The following WWC2 variants were observed in gnomAD, a reference collection of about 807,000 sequenced individuals.
WWC2 encodes the protein WW and C2 domain containing 2, also known as protein WWC2.
In WWC2, 101 loss-of-function variants were observed where a neutral mutation model predicts 138.5. The observed-to-expected ratio is 0.73, with a 90% CI of 0.62 to 0.86. The LOEUF (loss-of-function observed/expected upper bound fraction) is 0.86. WWC2 is among the 40% of genes least tolerant of loss of function. The pLI is 0.00. For synonymous variants in WWC2, 558 were observed against 538.4 expected (o/e 1.04, Z -0.50); for missense variants, 1,420 against 1,419.4 (o/e 1.00, Z -0.01).
intron 21 of WWC2, among the ~76,000 whole-genome samples, chr4:183,298,253 A>T (rs1182943920): frequency 1.3e-5 from 2 of 152,234 alleles, no homozygotes. Context: ...TTGTTTTTCT[A>T]GATCACTACT....
chr4:183,308,089 A>C (rs1272764287), intron 21 of WWC2, among the ~76,000 whole-genome samples: 1 of 152,212 alleles, frequency 6.6e-6, no homozygotes, highest in East Asian at 1.9e-4. Context: ...CCAGCAATGC[A>C]CTAGTGGAAT....
chr4:183,301,978 A>G (rs1004485470), intron 21 of WWC2, among the ~76,000 whole-genome samples: 9 of 152,244 alleles, frequency 5.9e-5, no homozygotes, highest in African/African-American at 1.2e-4. Flanking sequence ...TTCTAATAGT[A>G]TGTGATGAAC....
chr4:183,235,515 G>A (rs1371181551), intron 4 of WWC2, among the ~76,000 whole-genome samples: 1 of 152,062 alleles, frequency 6.6e-6, no homozygotes, highest in Non-Finnish European at 1.5e-5. Context: ...GTACACCTCA[G>A]CACCTGGCAA....
intron 1 of WWC2, among the ~76,000 whole-genome samples, chr4:183,115,211 T>G (rs899662000): frequency 1.3e-5 from 2 of 152,226 alleles, no homozygotes; most frequent in Non-Finnish European, 1.5e-5. Flanking sequence ...ATTTCATTCT[T>G]TTTTGTGGTG....
intron 1 of WWC2, among the ~76,000 whole-genome samples, chr4:183,136,494 CATA>C (rs1733119344): frequency 6.6e-6 from 1 of 152,126 alleles, no homozygotes; most frequent in African/African-American, 2.4e-5. Context: ...TTCCTGGAAA[CATA>C]GTACGCATGC....
At position 183,248,509 on chromosome 4, in the gene WWC2, G is replaced by C. The variant is rs563841835; in HGVS notation, c.733-205G>C. ...ATAGATAAGACAACTGGTTTAATAT[G>C]ATCTCGCTTCCAAAGTCACATGTAT... On this transcript the variant is annotated intron_variant, in intron 6 of 22. Coordinates refer to ENST00000403733, the MANE Select transcript of WWC2 (RefSeq NM_024949.6). Among the ~76,000 whole-genome samples, 13 of 152,292 alleles carry C rather than the reference G, an allele frequency of 8.5e-5. No individual in the cohort carries two copies. The South Asian group carries it at 2.7e-3, about 32-fold the overall frequency.
rs141854238 is a variant in WWC2 at position 183,237,116 on chromosome 4, A to T, written c.523-3067A>T. Among the ~76,000 whole-genome samples, 784 of 152,362 alleles carry T rather than the reference A, an allele frequency of 5.1e-3. 12 individuals are homozygous for T. Among genetic ancestry groups the T allele is most frequent in the African/African-American group, 0.018 (733 of 41,590 alleles). ...AGTTTACGAATTTGTGTTGGGCTGC[A>T]TTCAAAGCCATCGTGAGTTGGGCAA... On this transcript the variant is annotated intron_variant, in intron 4 of 22. Coordinates refer to ENST00000403733, the MANE Select transcript of WWC2 (RefSeq NM_024949.6).
chr4:183,164,335 ATAC>A (rs1734060795), intron 1 of WWC2, among the ~76,000 whole-genome samples: 1 of 622 alleles, frequency 1.6e-3, no homozygotes, highest in African/African-American at 5.3e-3. Context: ...ATATATATAT[ATAC>A]ATATATATAT....
intron 2 of WWC2, among the ~76,000 whole-genome samples, chr4:183,199,228 T>C (rs1250235889): frequency 1.3e-5 from 2 of 152,130 alleles, no homozygotes; most frequent in Non-Finnish European, 2.9e-5. Context: ...AAGGCTGGTG[T>C]GACTGGGGTA....
At chr4:183,287,142 A>G (rs1052386050) in intron 20 of WWC2, among the ~76,000 whole-genome samples, 6 of 152,190 alleles carry the variant, frequency 3.9e-5, no homozygotes, top group Admixed American at 3.3e-4. Context: ...TCATTCTGCC[A>G]TGTGCAGAGT....
rs1215836936 is a variant in WWC2, at chr4:183,147,014, A to G, written c.132-46585A>G. ...GGAAAGCTTGTTAAAATAGTTTCCT[A>G]TACTCATCTTCAGAGATTTGGATTT... On this transcript the variant is annotated intron_variant, in intron 1 of 22. Coordinates refer to ENST00000403733, the MANE Select transcript of WWC2 (RefSeq NM_024949.6). Among the ~76,000 whole-genome samples, 6 of 152,214 alleles carry G rather than the reference A, an allele frequency of 3.9e-5. No individual in the cohort carries two copies. In the East Asian group the frequency reaches 5.8e-4, roughly 15 times the overall value.
chr4:183,141,242 G>C (rs531936852), intron 1 of WWC2, among the ~76,000 whole-genome samples: 1 of 152,270 alleles, frequency 6.6e-6, no homozygotes, highest in Admixed American at 6.5e-5. Flanking sequence ...TTGGGTGAAG[G>C]CTCTCTTCCT....
chr4:183,121,914 T>C (rs1732611684), intron 1 of WWC2, among the ~76,000 whole-genome samples: 1 of 151,808 alleles, frequency 6.6e-6, no homozygotes, highest in Admixed American at 6.6e-5. Context: ...GCTTCCCGAG[T>C]AGCTGGGACT....
intron 21 of WWC2, among the ~76,000 whole-genome samples, chr4:183,301,779 T>C (rs1160984154): frequency 6.6e-6 from 1 of 152,234 alleles, no homozygotes; most frequent in Non-Finnish European, 1.5e-5. Flanking sequence ...TGCAGAACTA[T>C]ATAAAGCAAA....
At chr4:183,135,139 G>A (rs367968512) in intron 1 of WWC2, among the ~76,000 whole-genome samples, 1 of 151,896 alleles carries the variant, frequency 6.6e-6, no homozygotes, top group African/African-American at 2.4e-5. Flanking sequence ...GGCTAGACTC[G>A]AACTCCTGAC....
chr4:183,209,036 T>G lies in WWC2; in HGVS notation c.522+11T>G. ...ACTACAAGATTAAGGGTAAGAAGTT[T>G]TAAATTGTGGTTCTATGTTGACCCA... is the stretch of plus-strand genomic sequence containing the variant. On this transcript the variant is annotated intron_variant, in intron 4 of 22. Transcript: ENST00000403733. The G allele has an allele frequency of 6.5e-7, 1 of 1,550,068 alleles. No individual in the cohort carries two copies. The highest frequency in any genetic ancestry group is 8.8e-7 in the Non-Finnish European group (1 of 1,140,800).
chr4:183,099,693 G>C, intron 1 of WWC2, 71 bp downstream of exon 1: 2 of 1,164,888 alleles, frequency 1.7e-6, no homozygotes, highest in South Asian at 4.2e-5. Flanking sequence ...CCGGCCGCGC[G>C]GGGGGCTGGG....
At chr4:183,248,274 A>G (rs896297262) in intron 6 of WWC2, among the ~76,000 whole-genome samples, 1 of 152,186 alleles carries the variant, frequency 6.6e-6, no homozygotes, top group East Asian at 1.9e-4. Flanking sequence ...CAGATGTACA[A>G]TGGCTTAATT....
At chr4:183,155,705 A>G (rs950735379) in intron 1 of WWC2, among the ~76,000 whole-genome samples, 4 of 152,150 alleles carry the variant, frequency 2.6e-5, no homozygotes, top group Non-Finnish European at 5.9e-5. Flanking sequence ...AAGTCATAAG[A>G]TGTACTTTAA....
Sources: gnomAD v4.1 joint callset for allele counts (sites outside exome capture counted in the v4.1 genomes callset) on GRCh38, gnomAD v4.1.1 for gene constraint, MANE v1.5 for transcripts, NCBI Gene and HGNC (gene_info 2026-07-23, HGNC 2026-07-21) for gene names.